Variants in METAP1D observed in about 807,000 individuals in gnomAD.
METAP1D encodes methionine aminopeptidase 1D, mitochondrial.
A neutral mutation model predicts 40.5 loss-of-function variants in METAP1D; 31 were observed. The ratio of observed to expected loss-of-function variants is 0.77; its 90% CI spans 0.58 to 1.03. The LOEUF is 1.03. METAP1D is among the 50% of genes least tolerant of loss of function. METAP1D has a pLI of 0.00. For synonymous variants in METAP1D, 151 were observed against 146.4 expected, an observed-to-expected ratio of 1.03 and a Z score of -0.22; for missense variants, 411 against 420.7, an observed-to-expected ratio of 0.98 and a Z score of 0.20.
intron 6 of METAP1D, among the ~76,000 whole-genome samples, chr2:172,077,413 T>G (rs904847471): frequency 8.5e-5 from 13 of 152,236 alleles, no homozygotes; most frequent in Admixed American, 8.5e-4. Flanking sequence ...TTGTGAAACC[T>G]CAAAAAAGCC....
chr2:172,060,823 A>C (rs1690123172), intron 1 of METAP1D, among the ~76,000 whole-genome samples: 1 of 152,226 alleles, frequency 6.6e-6, no homozygotes, highest in African/African-American at 2.4e-5. Context: ...CCATCAGTGC[A>C]TAGTGTCTGC....
intron 5 of METAP1D, among the ~76,000 whole-genome samples, chr2:172,069,934 G>GT (rs1690383550): frequency 6.6e-6 from 1 of 152,110 alleles, no homozygotes; most frequent in Non-Finnish European, 1.5e-5. Flanking sequence ...CATTAATTCA[G>GT]TATCACAACA....
intron 5 of METAP1D, 114 bp from the exon 6 acceptor site, chr2:172,070,793 A>T (rs1690401537): frequency 1.0e-5 from 8 of 802,116 alleles, no homozygotes; most frequent in Non-Finnish European, 1.4e-5. Flanking sequence ...GCAAATGAAT[A>T]ATTCTGGAAG....
chr2:172,081,905 T>G lies in METAP1D; in HGVS notation c.*1499T>G, dbSNP rs913643344. The G allele has an allele frequency of 6.6e-6, 1 of 152,248 alleles. No homozygotes were observed. Among genetic ancestry groups the G allele is most frequent in the Non-Finnish European group, 1.5e-5 (1 of 68,100 alleles). 9.4% of individuals were successfully genotyped at this position (152,248 alleles called of 1,614,324 possible). On this transcript the variant is annotated 3_prime_UTR_variant, in exon 10 of 10. Transcript: ENST00000315796. ...AGGACCAGGTGGCTCGGAAAAGAGA[T>G]GAGTTCCAGCTTTTACCTAACACAG...
At position 172,035,792 on chromosome 2, in the gene METAP1D, A is replaced by C. The variant is rs114431996; in HGVS notation, c.41-25706A>C. On this transcript the variant is annotated intron_variant, in intron 1 of 9. Transcript: ENST00000315796. ...ACCTCCCAAGTAGCTGGGACCACAG[A>C]TGCATGCCATCATGCCTGGCTAATT... Among the ~76,000 whole-genome samples the C allele has an allele frequency of 3.2e-3, 490 of 151,452 alleles. 2 individuals are homozygous for C. Among genetic ancestry groups the C allele is most frequent in the African/African-American group, 0.011 (450 of 41,286 alleles).
chr2:172,046,798 A>G (rs1277859787), intron 1 of METAP1D, among the ~76,000 whole-genome samples: 1 of 152,216 alleles, frequency 6.6e-6, no homozygotes, highest in Non-Finnish European at 1.5e-5. Context: ...TTTAAAGATA[A>G]CTAATTTATA....
intron 1 of METAP1D, among the ~76,000 whole-genome samples, chr2:172,031,152 A>ACAGC (rs1416802146): frequency 6.6e-6 from 1 of 152,220 alleles, no homozygotes; most frequent in Non-Finnish European, 1.5e-5. Context: ...TATGTCCCCT[A>ACAGC]CAGCCTTCTT....
chr2:172,049,927 C>G (rs1352382415), intron 1 of METAP1D, among the ~76,000 whole-genome samples: 1 of 152,180 alleles, frequency 6.6e-6, no homozygotes, highest in Non-Finnish European at 1.5e-5. Flanking sequence ...CAAAATACCA[C>G]GATAAGATTG....
At chr2:172,045,819 G>A (rs7564120) in intron 1 of METAP1D, among the ~76,000 whole-genome samples, 3,778 of 13,952 alleles carry the variant, frequency 0.27, 699 homozygotes, top group East Asian at 0.44. Context: ...GTGTGTGTGT[G>A]TATATATATA....
chr2:172,011,904 A>C (rs1383351100), intron 1 of METAP1D, among the ~76,000 whole-genome samples: 1 of 152,206 alleles, frequency 6.6e-6, no homozygotes, highest in Non-Finnish European at 1.5e-5. Flanking sequence ...GGCTATGTTT[A>C]GATGCAGAGG....
intron 1 of METAP1D, among the ~76,000 whole-genome samples, chr2:172,007,891 T>C (rs1330411703): frequency 6.6e-6 from 1 of 152,146 alleles, no homozygotes; most frequent in Non-Finnish European, 1.5e-5. Flanking sequence ...GGTTTCACCA[T>C]GTTGGCCAGG....
intron 1 of METAP1D, among the ~76,000 whole-genome samples, chr2:172,025,915 A>G (rs1302313253): frequency 1.3e-5 from 2 of 152,202 alleles, no homozygotes; most frequent in African/African-American, 4.8e-5. Context: ...ATATCATTAC[A>G]TCTAGTAAAT....
intron 8 of METAP1D, among the ~76,000 whole-genome samples, 185 bp downstream of exon 8, chr2:172,079,447 G>A (rs1014600385): frequency 3.3e-5 from 5 of 152,190 alleles, no homozygotes; most frequent in South Asian, 2.1e-4. Flanking sequence ...GATACTTACC[G>A]ACACATTTAG....
chr2:172,023,175 C>G (rs1030401378), intron 1 of METAP1D, among the ~76,000 whole-genome samples: 4 of 151,992 alleles, frequency 2.6e-5, no homozygotes, highest in Non-Finnish European at 5.9e-5. Context: ...GCAACAAAAG[C>G]AAAACTCCAT....
chr2:172,041,448 G>T (rs1280479683), intron 1 of METAP1D, among the ~76,000 whole-genome samples: 2 of 79,950 alleles, frequency 2.5e-5, no homozygotes, highest in African/African-American at 8.0e-5. Flanking sequence ...GACAGCGCAA[G>T]ACTCTGTATC....
intron 1 of METAP1D, among the ~76,000 whole-genome samples, chr2:172,047,877 T>C (rs1689797388): frequency 6.6e-6 from 1 of 152,220 alleles, no homozygotes; most frequent in African/African-American, 2.4e-5. Flanking sequence ...AGTATTCTTA[T>C]ATGTTTAGAA....
At chr2:172,024,102 G>A (rs1216610783) in intron 1 of METAP1D, among the ~76,000 whole-genome samples, 2 of 152,028 alleles carry the variant, frequency 1.3e-5, no homozygotes, top group African/African-American at 2.4e-5. Flanking sequence ...CTCGTGATCC[G>A]CTCACCTTGG....
chr2:172,036,886 T>A (rs190249728), intron 1 of METAP1D, among the ~76,000 whole-genome samples: 17 of 152,356 alleles, frequency 1.1e-4, no homozygotes, highest in Admixed American at 1.0e-3. Context: ...TTTAAATGCT[T>A]TATTTTAAAA....
At chr2:172,073,331 A>T (rs1559021659) in intron 6 of METAP1D, among the ~76,000 whole-genome samples, 1 of 152,116 alleles carries the variant, frequency 6.6e-6, no homozygotes, top group Admixed American at 6.5e-5. Context: ...ATAAATCTCC[A>T]TGCAGGATAA....
Sources: gnomAD v4.1 joint callset for allele counts (sites outside exome capture counted in the v4.1 genomes callset) on GRCh38, gnomAD v4.1.1 for gene constraint, MANE v1.5 for transcripts, NCBI Gene and HGNC (gene_info 2026-07-23, HGNC 2026-07-21) for gene names.